MED24: variants seen among roughly 807,000 people sequenced by gnomAD.
MED24 encodes mediator complex subunit 24, also known as mediator of RNA polymerase II transcription subunit 24.
MED24 carries 74 observed loss-of-function variants against 118.8 expected under a neutral mutation model. That is an observed-to-expected ratio of 0.62 (90% CI 0.52 to 0.76). MED24 has a LOEUF of 0.76. Ranked by LOEUF, MED24 falls within the 30% of genes least tolerant of loss-of-function variation. MED24 has a pLI of 0.00. For missense variants in MED24, 1,041 were observed against 1,278.9 expected (o/e 0.81, Z 2.84); for synonymous variants, 521 against 523.9 (o/e 0.99, Z 0.08).
At chr17:40,028,000 TG>T in intron 14 of MED24, 54 bp from the exon 15 acceptor site, 2 of 1,571,644 alleles carry the variant, frequency 1.3e-6, no homozygotes, top group Non-Finnish European at 1.8e-6. Context: ...GAGCAGTAGC[TG>T]GGCGCTGGGG....
rs755182499 is a variant in MED24, at chr17:40,020,416, C to T, written c.2624-63G>A. ...TGCCGAGTGCAAAAGTGGTGCTCCC[C>T]GGGGATGCCCCAACCCGACCTTCAC... On this transcript the variant is annotated intron_variant, in intron 23 of 25. Coordinates refer to ENST00000394128, the MANE Select transcript of MED24 (RefSeq NM_014815.4). The T allele has an allele frequency of 4.1e-5, 63 of 1,553,138 alleles. No individual in the cohort carries two copies. In the Admixed American group the frequency reaches 9.2e-4, roughly 23 times the overall value.
In MED24 at chr17:40,033,808, G is replaced by A. The variant is rs1983657529; in HGVS notation, c.560-352C>T. On this transcript the variant is annotated intron_variant, in intron 6 of 25. Coordinates refer to ENST00000394128, the MANE Select transcript of MED24 (RefSeq NM_014815.4). The surrounding 1 kb of genome is among the most constrained non-coding windows in gnomAD (Gnocchi z 5.2). ...AGGGCGGCCACAAATCACTCGAGGAGTGAGCGGATCCCAAAGTCCAGTCTT... is the reference window on the plus strand; with the variant it reads ...AGGGCGGCCACAAATCACTCGAGGAATGAGCGGATCCCAAAGTCCAGTCTT... The A allele has an allele frequency of 2.1e-6, 1 of 479,890 alleles. No homozygotes were observed. Among genetic ancestry groups the A allele is most frequent in the African/African-American group, 2.0e-5 (1 of 51,104 alleles). The allele number at this position is 479,890 out of a possible 1,614,324, so 29.7% of individuals were successfully genotyped here. A position where few individuals can be genotyped will look rare whatever the true frequency, so the allele number is the denominator to read the frequency against.
intron 19 of MED24, chr17:40,023,688 T>G: frequency 3.4e-5 from 11 of 325,092 alleles, no homozygotes; most frequent in Non-Finnish European, 4.5e-5. Flanking sequence ...ATTCTCCAAC[T>G]TCCCCCATCC....
intron 3 of MED24, among the ~76,000 whole-genome samples, chr17:40,052,166 A>C (rs1469113081): frequency 6.8e-6 from 1 of 148,126 alleles, no homozygotes; most frequent in Non-Finnish European, 1.5e-5. Context: ...GATGGCAGGC[A>C]CCTGTAGTCC....
Position 40,033,119 on chromosome 17 carries a change from G to A in MED24, c.759C>T (p.Thr253=). 1 of 1,614,132 alleles carries A rather than the reference G, an allele frequency of 6.2e-7. No homozygotes were observed. The highest frequency in any genetic ancestry group is 8.5e-7 in the Non-Finnish European group (1 of 1,180,040). The part of the protein sequence containing the change: ...TVHAVILLEG[T]MNLTGETQSL... Reference sequence around the variant, plus strand: ...ACTGCGTCTCGCCTGTCAGGTTCATGGTGCCCTCGAGCAGGATCACGGCGT... The same window carrying A: ...ACTGCGTCTCGCCTGTCAGGTTCATAGTGCCCTCGAGCAGGATCACGGCGT... Residue 253 remains threonine (T), a synonymous_variant, in exon 8 of 26, where the codon ACC becomes ACT. Coordinates refer to ENST00000394128, the MANE Select transcript of MED24 (RefSeq NM_014815.4). This position sits in a 1 kb window ranked among gnomAD's most constrained non-coding sequence, Gnocchi z 5.2.
intron 19 of MED24, among the ~76,000 whole-genome samples, chr17:40,023,895 T>C (rs951795747): frequency 3.3e-5 from 5 of 152,210 alleles, no homozygotes; most frequent in African/African-American, 1.2e-4. Context: ...TATCCAGGAA[T>C]TTTCTCATGG....
intron 11 of MED24, 113 bp from the exon 12 acceptor site, chr17:40,031,358 A>G (rs1983353712): frequency 1.6e-6 from 2 of 1,265,896 alleles, no homozygotes; most frequent in South Asian, 2.5e-5. Flanking sequence ...GAAAATCTGG[A>G]GTGCCTGAGG....
Position 40,029,796 on chromosome 17 carries a change from G to A in MED24, c.1218C>T (p.Asn406=), listed in dbSNP as rs757544333. 6.2e-7 allele frequency: 1 copy of A among 1,614,228 alleles called. No individual in the cohort carries two copies. The highest frequency in any genetic ancestry group is 1.1e-5 in the South Asian group (1 of 91,086). Residue 406 remains asparagine, a synonymous_variant, in exon 13 of 26, where the codon AAC becomes AAT. Coordinates refer to ENST00000394128, the MANE Select transcript of MED24 (RefSeq NM_014815.4). ...KSGENANIQP[N]IQLILRAEPT... ...GCTCCGCCCGGAGGATCAGCTGGAT[G>A]TTGGGCTGGATGTTGGCATTCTCTC...
rs111673294 is a variant in MED24 at position 40,028,823 on chromosome 17, C to T, written c.1409+3G>A. 110 of 1,613,684 alleles carry T rather than the reference C, an allele frequency of 6.8e-5. No individual in the cohort carries two copies. The Middle Eastern group carries it at 1.0e-3, about 15-fold the overall frequency. ...CTGGGGTCAGGGGCTTGGCCTTCCT[C>T]ACTTGATGAATTTCCGGGCGAAGGA... On this transcript the variant is annotated splice_donor_region_variant and intron_variant, in intron 14 of 25. Transcript: ENST00000394128.
chr17:40,037,155 T>C (rs2144930671), intron 3 of MED24, among the ~76,000 whole-genome samples: 1 of 149,960 alleles, frequency 6.7e-6, no homozygotes, highest in South Asian at 2.1e-4. Flanking sequence ...CACTCTAACC[T>C]GGGTGACAGA....
Position 40,033,072 on chromosome 17 carries a change from A to G in MED24, c.806T>C (p.Met269Thr). The G allele has an allele frequency of 6.2e-7, 1 of 1,613,972 alleles. No homozygotes were observed. The highest frequency in any genetic ancestry group is 8.5e-7 in the Non-Finnish European group (1 of 1,180,016). The change falls in exon 8 of 26, where the codon ATG becomes ACG. Residue 269 changes from methionine to threonine, a missense_variant. By Grantham distance (81) the Met-to-Thr change is moderately conservative. Coordinates refer to ENST00000394128, the MANE Select transcript of MED24 (RefSeq NM_014815.4). The surrounding 1 kb of genome is among the most constrained non-coding windows in gnomAD (Gnocchi z 5.2). The part of the protein sequence containing the change: ...ETQSLVEQLT[M>T]VKRMQHIPTP... ...CCCTCCCACCTGCATGCGCTTCACC[A>G]TCGTCAGCTGCTCCACCAGGGACTG...
intron 3 of MED24, among the ~76,000 whole-genome samples, chr17:40,044,194 TTGTG>T (rs1043399599): frequency 6.6e-6 from 1 of 151,282 alleles, no homozygotes; most frequent in Non-Finnish European, 1.5e-5. Flanking sequence ...ATATATTTAT[TTGTG>T]TATTTATGAA....
chr17:40,035,957 C>G (rs1598353272), intron 4 of MED24, 159 bp downstream of exon 4: 19 of 1,092,928 alleles, frequency 1.7e-5, no homozygotes, highest in Non-Finnish European at 2.4e-5. Flanking sequence ...GCACCAGCCC[C>G]TACTTGCCAG....
intron 10 of MED24, 27 bp downstream of exon 10, chr17:40,032,016 A>G: frequency 6.2e-7 from 1 of 1,611,018 alleles, no homozygotes; most frequent in Non-Finnish European, 8.5e-7. Flanking sequence ...TTCTGCTCCC[A>G]TGCCTCCATC....
In MED24 at chr17:40,035,111, A is replaced by G; in HGVS notation, c.559+6T>C. The G allele has an allele frequency of 1.2e-6, 2 of 1,613,908 alleles. No individual in the cohort carries two copies. The highest frequency in any genetic ancestry group is 1.3e-5 in the African/African-American group (1 of 75,036). On this transcript the variant is annotated splice_donor_region_variant and intron_variant, in intron 6 of 25. Transcript: ENST00000394128. ...AGGTGGGGCTCAGGGGAATCAAGGG[A>G]CATACAGGCCTCCTCTAGTTTGGCG... is the stretch of plus-strand genomic sequence containing the variant.
At position 40,022,080 on chromosome 17, in the gene MED24, T is replaced by C. The variant is rs202201646; in HGVS notation, c.2524-26A>G. ...CTAGAGGGAGTGAAAGTCACTGTTA[T>C]ACACCCCTAAACCCCCCAGTTTCCA... is the stretch of plus-strand genomic sequence containing the variant. On this transcript the variant is annotated intron_variant, in intron 22 of 25. Transcript: ENST00000394128. 1.4e-5 allele frequency: 22 copies of C among 1,531,304 alleles called. No individual in the cohort carries two copies. In the African/African-American group the frequency reaches 2.1e-4, roughly 14 times the overall value. The allele number at this position is 1,531,304 out of a possible 1,614,324, so 94.9% of individuals were successfully genotyped here.
chr17:40,037,865 T>C (rs1315741337), intron 3 of MED24, among the ~76,000 whole-genome samples: 1 of 150,614 alleles, frequency 6.6e-6, no homozygotes, highest in Non-Finnish European at 1.5e-5. Context: ...GAGCCGAGAT[T>C]GCGCCACTGC....
At chr17:40,032,167 G>A (rs1335085288) in intron 9 of MED24, 77 bp from the exon 10 acceptor site, 60 of 1,493,992 alleles carry the variant, frequency 4.0e-5, no homozygotes, top group South Asian at 2.7e-4. Flanking sequence ...GCATCCCCCC[G>A]AACCCCTGCT....
At chr17:40,019,707 G>C (rs1423426729) in intron 25 of MED24, 62 bp from the exon 26 acceptor site, 79 of 1,586,074 alleles carry the variant, frequency 5.0e-5, no homozygotes, top group Non-Finnish European at 6.4e-5. Flanking sequence ...TGTCCCAGGG[G>C]GAAGGAGGCC....
Sources: allele counts gnomAD v4.1 joint callset (sites outside exome capture counted in the v4.1 genomes callset), GRCh38; gene constraint gnomAD v4.1.1; non-coding constraint Gnocchi (gnomAD v3.1); transcripts MANE v1.5; gene names NCBI Gene and HGNC (gene_info 2026-07-23, HGNC 2026-07-21).